NEGR1: variants seen among roughly 807,000 people sequenced by gnomAD.
NEGR1 encodes neuronal growth regulator 1, also known as IgLON family member 4.
In NEGR1, 10 loss-of-function variants were observed where a neutral mutation model predicts 40.9. The observed-to-expected ratio is 0.24, with a 90% confidence interval of 0.15 to 0.42. NEGR1 has a LOEUF of 0.42. Ranked by LOEUF, NEGR1 falls within the 10% of genes least tolerant of loss-of-function variation. The pLI, the probability that NEGR1 is intolerant of heterozygous loss-of-function variation, is 1.00. For synonymous variants in NEGR1, 185 were observed against 166.8 expected (o/e 1.11, Z -0.84); for missense variants, 352 against 438.9 (o/e 0.80, Z 1.77).
chr1:71,532,911 C>T (rs1647398048), intron 6 of NEGR1, among the ~76,000 whole-genome samples: 1 of 151,294 alleles, frequency 6.6e-6, no homozygotes, highest in Admixed American at 6.6e-5. Flanking sequence ...ATAATTTCTA[C>T]AAAAAGGGAA....
At chr1:72,025,496 G>A (rs540244488) in intron 1 of NEGR1, among the ~76,000 whole-genome samples, 33 of 152,176 alleles carry the variant, frequency 2.2e-4, no homozygotes, top group South Asian at 1.9e-3. Context: ...AACAACTTCC[G>A]TGTTTTCAGG....
chr1:71,810,604 G>C (rs1010018668), intron 2 of NEGR1, among the ~76,000 whole-genome samples: 2 of 152,058 alleles, frequency 1.3e-5, no homozygotes, highest in South Asian at 2.1e-4. Context: ...ACCTCATGTC[G>C]AATTATAATC....
intron 1 of NEGR1, among the ~76,000 whole-genome samples, chr1:72,281,530 G>A (rs993322161): frequency 1.3e-5 from 2 of 151,774 alleles, no homozygotes; most frequent in Admixed American, 1.3e-4. Flanking sequence ...TATGGGGAGA[G>A]GGATGAGAAA....
intron 1 of NEGR1, among the ~76,000 whole-genome samples, chr1:72,168,007 T>TATTATTATTA (rs34738636): frequency 4.4e-5 from 3 of 68,896 alleles, no homozygotes; most frequent in Non-Finnish European, 5.8e-5. Flanking sequence ...TTATTATTAT[T>TATTATTATTA]TTTTTTTTTT....
chr1:71,998,201 C>G (rs1363546043), intron 1 of NEGR1, among the ~76,000 whole-genome samples: 1 of 151,768 alleles, frequency 6.6e-6, no homozygotes, highest in Non-Finnish European at 1.5e-5. Flanking sequence ...TGAGGCTAAT[C>G]ATAATACTTA....
In NEGR1 at chr1:71,403,071, C is replaced by CT. The variant is rs935090056; in HGVS notation, c.*4374dup. On this transcript the variant is annotated 3_prime_UTR_variant, in exon 7 of 7. Coordinates refer to ENST00000357731, the MANE Select transcript of NEGR1 (RefSeq NM_173808.3). Reference sequence around the variant, plus strand: ...ATAGCTTATAAAACCAAGCATGAATCTTTTTTATGCTTTGTTGTTTTATCT... The same window carrying CT: ...ATAGCTTATAAAACCAAGCATGAATCTTTTTTTATGCTTTGTTGTTTTATCT... 1 of 151,956 alleles carries CT rather than the reference C, an allele frequency of 6.6e-6. No individual in the cohort carries two copies. Among genetic ancestry groups the CT allele is most frequent in the African/African-American group, 2.4e-5 (1 of 41,400 alleles). 9.4% of individuals were successfully genotyped at this position (151,956 alleles called of 1,614,324 possible).
intron 6 of NEGR1, among the ~76,000 whole-genome samples, chr1:71,414,868 A>C (rs1462109440): frequency 1.3e-5 from 2 of 152,160 alleles, no homozygotes; most frequent in Non-Finnish European, 2.9e-5. Context: ...AGAGGTAAAC[A>C]TACCATGGTC....
intron 2 of NEGR1, among the ~76,000 whole-genome samples, chr1:71,885,444 G>A (rs886759476): frequency 1.5e-4 from 23 of 152,088 alleles, no homozygotes; most frequent in South Asian, 2.1e-4. Context: ...TTAGTTTTTT[G>A]TTTGTTTGTT....
intron 2 of NEGR1, among the ~76,000 whole-genome samples, chr1:71,861,867 G>GAAAAGA (rs983679500): frequency 6.6e-6 from 1 of 151,912 alleles, no homozygotes; most frequent in African/African-American, 2.4e-5. Flanking sequence ...TTCACTGTAA[G>GAAAAGA]AAAAGAAAAA....
At chr1:72,220,274 C>A (rs182943153) in intron 1 of NEGR1, among the ~76,000 whole-genome samples, 2 of 152,048 alleles carry the variant, frequency 1.3e-5, no homozygotes, top group East Asian at 1.9e-4. Flanking sequence ...CTCTCTCCCC[C>A]TTTTTATGTG....
chr1:71,707,278 A>G (rs1762733), intron 3 of NEGR1, among the ~76,000 whole-genome samples: 2,541 of 152,246 alleles, frequency 0.017, 60 homozygotes, highest in African/African-American at 0.058. Context: ...ACTGCCCTCA[A>G]TGGTGAGTTC....
At chr1:71,482,775 T>C (rs1646862503) in intron 6 of NEGR1, among the ~76,000 whole-genome samples, 1 of 151,876 alleles carries the variant, frequency 6.6e-6, no homozygotes, top group Non-Finnish European at 1.5e-5. Flanking sequence ...GGCCTAAGTG[T>C]TATTAATTCA....
At chr1:71,621,711 C>G (rs779629632) in intron 4 of NEGR1, among the ~76,000 whole-genome samples, 4 of 151,838 alleles carry the variant, frequency 2.6e-5, no homozygotes, top group Non-Finnish European at 5.9e-5. Context: ...CCTAAACCCT[C>G]AATAACAATC....
At chr1:71,999,678 T>TATATATATATACAC (rs1457710237) in intron 1 of NEGR1, among the ~76,000 whole-genome samples, 1 of 49,876 alleles carries the variant, frequency 2.0e-5, no homozygotes, top group Non-Finnish European at 4.1e-5. Context: ...TATATATATA[T>TATATATATATACAC]ACATACATAT....
At chr1:71,538,497 C>T (rs1029085251) in intron 6 of NEGR1, among the ~76,000 whole-genome samples, 4 of 151,576 alleles carry the variant, frequency 2.6e-5, no homozygotes, top group African/African-American at 9.7e-5. Flanking sequence ...GCTCTGACTC[C>T]CAGTCATTGT....
intron 2 of NEGR1, among the ~76,000 whole-genome samples, chr1:71,906,477 TAAA>T (rs368464744): frequency 1.4e-5 from 2 of 141,076 alleles, no homozygotes; most frequent in East Asian, 2.0e-4. Flanking sequence ...GGCCAAGGAT[TAAA>T]AAAAAAAAAA....
chr1:71,665,463 A>G (rs943613862), intron 4 of NEGR1, among the ~76,000 whole-genome samples: 5 of 152,216 alleles, frequency 3.3e-5, no homozygotes, highest in Non-Finnish European at 7.4e-5. Context: ...GGATCCTGCC[A>G]TGTGACAAAC....
At chr1:71,787,153 A>G (rs1378762592) in intron 2 of NEGR1, among the ~76,000 whole-genome samples, 3 of 152,232 alleles carry the variant, frequency 2.0e-5, no homozygotes, top group African/African-American at 7.2e-5. Flanking sequence ...TAAAACAAAT[A>G]ATTGTAGTTG....
At chr1:71,532,743 C>T (rs1647393859) in intron 6 of NEGR1, among the ~76,000 whole-genome samples, 1 of 151,548 alleles carries the variant, frequency 6.6e-6, no homozygotes, top group African/African-American at 2.4e-5. Context: ...AAGTAACAGA[C>T]ATTAGAGCAG....
Sources: gnomAD v4.1 joint callset for allele counts (sites outside exome capture counted in the v4.1 genomes callset) on GRCh38, gnomAD v4.1.1 for gene constraint, MANE v1.5 for transcripts, NCBI Gene and HGNC (gene_info 2026-07-23, HGNC 2026-07-21) for gene names.